Variants in TMEM132D observed in about 807,000 individuals in gnomAD.
TMEM132D encodes transmembrane protein 132D, also known as mature OL transmembrane protein.
TMEM132D carries 21 observed loss-of-function variants against 62.3 expected under a neutral mutation model. The observed-to-expected ratio is 0.34, with a 90% CI of 0.24 to 0.49. The LOEUF (loss-of-function observed/expected upper bound fraction) is 0.49. Ranked by LOEUF, TMEM132D falls within the 20% of genes least tolerant of loss-of-function variation. The pLI, the probability that TMEM132D is intolerant of heterozygous loss-of-function variation, is 0.99. For missense variants in TMEM132D, 1,346 were observed against 1,402.8 expected (o/e 0.96, Z 0.65); for synonymous variants, 621 against 575.6 (o/e 1.08, Z -1.13).
At chr12:129,688,029 T>G (rs2137214312) in intron 2 of TMEM132D, among the ~76,000 whole-genome samples, 1 of 152,268 alleles carries the variant, frequency 6.6e-6, no homozygotes, top group Non-Finnish European at 1.5e-5. Flanking sequence ...TGTGAAGCCA[T>G]AAGCCTTGAC....
In TMEM132D at chr12:129,715,624, A is replaced by G. The variant is rs539215868; in HGVS notation, c.80-14926T>C. Among the ~76,000 whole-genome samples the G allele has an allele frequency of 2.0e-5, 3 of 152,282 alleles. No individual in the cohort carries two copies. The East Asian group carries it at 5.8e-4, about 29-fold the overall frequency. ...GATCAACCTGCACATGTGCAATTCA[A>G]CGTTCCTTTACTCCACGGAAATCTG... On this transcript the variant is annotated intron_variant, in intron 1 of 8. Coordinates refer to ENST00000422113, the MANE Select transcript of TMEM132D (RefSeq NM_133448.3).
chr12:129,431,617 C>T (rs1055179972), intron 3 of TMEM132D, among the ~76,000 whole-genome samples: 3 of 152,162 alleles, frequency 2.0e-5, no homozygotes, highest in African/African-American at 4.8e-5. Context: ...TTACAACAGC[C>T]GCCTGCTCAT....
chr12:129,877,956 C>T (rs1241250204), intron 1 of TMEM132D, among the ~76,000 whole-genome samples: 8 of 152,184 alleles, frequency 5.3e-5, no homozygotes, highest in African/African-American at 1.7e-4. Flanking sequence ...CATCTGCATC[C>T]ACAAGGCGAG....
At chr12:129,107,328 A>T (rs1875533430) in intron 5 of TMEM132D, among the ~76,000 whole-genome samples, 1 of 152,240 alleles carries the variant, frequency 6.6e-6, no homozygotes, top group South Asian at 2.1e-4. Flanking sequence ...TCACGTACAT[A>T]CAAGGTAATT....
chr12:129,462,149 G>A (rs1418747656), intron 3 of TMEM132D, among the ~76,000 whole-genome samples: 2 of 152,142 alleles, frequency 1.3e-5, no homozygotes, highest in Non-Finnish European at 2.9e-5. Context: ...GAGAGAAGGG[G>A]AGAAATAAAC....
chr12:129,691,510 C>T (rs1473916998), intron 2 of TMEM132D, among the ~76,000 whole-genome samples: 1 of 151,924 alleles, frequency 6.6e-6, no homozygotes, highest in Non-Finnish European at 1.5e-5. Context: ...ACTACTGATC[C>T]TATATAAATT....
chr12:129,536,488 A>T (rs920652738), intron 2 of TMEM132D, among the ~76,000 whole-genome samples: 4 of 152,214 alleles, frequency 2.6e-5, no homozygotes, highest in African/African-American at 9.7e-5. Context: ...TTGACCAGAA[A>T]AACAAATTTA....
intron 4 of TMEM132D, among the ~76,000 whole-genome samples, chr12:129,281,621 G>GC (rs140939327): frequency 0.057 from 8,658 of 151,978 alleles, 418 homozygotes; most frequent in Admixed American, 0.15. Context: ...TCTTCCTGAC[G>GC]CCCCCGTAGC....
chr12:129,257,719 T>A (rs1156956475), intron 4 of TMEM132D, among the ~76,000 whole-genome samples: 1 of 152,060 alleles, frequency 6.6e-6, no homozygotes, highest in Non-Finnish European at 1.5e-5. Flanking sequence ...AACACAAGAA[T>A]TTCACTAGGG....
intron 3 of TMEM132D, among the ~76,000 whole-genome samples, chr12:129,462,870 C>G (rs568443982): frequency 6.6e-6 from 1 of 152,148 alleles, no homozygotes. Flanking sequence ...GTCTTCCATA[C>G]GCAGGCCAGT....
chr12:129,502,045 G>A (rs1049364841), intron 3 of TMEM132D, among the ~76,000 whole-genome samples: 7 of 151,676 alleles, frequency 4.6e-5, no homozygotes, highest in African/African-American at 1.7e-4. Context: ...CTGTCGTCCA[G>A]GTGGAGTGCA....
intron 4 of TMEM132D, among the ~76,000 whole-genome samples, chr12:129,258,356 A>ATT (rs1880463989): frequency 6.6e-6 from 1 of 152,170 alleles, no homozygotes; most frequent in Non-Finnish European, 1.5e-5. Flanking sequence ...TGGAGCATCA[A>ATT]GCACACATAT....
chr12:129,156,959 C>T (rs1877265490), intron 5 of TMEM132D, among the ~76,000 whole-genome samples: 1 of 152,024 alleles, frequency 6.6e-6, no homozygotes, highest in Admixed American at 6.5e-5. Flanking sequence ...TAACCCACTC[C>T]TATGATAACG....
At chr12:129,581,576 C>A (rs1005299109) in intron 2 of TMEM132D, among the ~76,000 whole-genome samples, 1 of 152,132 alleles carries the variant, frequency 6.6e-6, no homozygotes, top group African/African-American at 2.4e-5. Flanking sequence ...GAACATGCAG[C>A]CTGATGTTTA....
At chr12:129,261,665 CT>C (rs1168839775) in intron 4 of TMEM132D, among the ~76,000 whole-genome samples, 1 of 152,170 alleles carries the variant, frequency 6.6e-6, no homozygotes, top group Non-Finnish European at 1.5e-5. Flanking sequence ...ATCAGTGTTT[CT>C]TTCCTGTGAG....
Position 129,865,368 on chromosome 12 carries a change from G to A in TMEM132D, c.79+37893C>T, listed in dbSNP as rs376547212. Among the ~76,000 whole-genome samples, 18 of 152,170 alleles carry A rather than the reference G, an allele frequency of 1.2e-4. No individual in the cohort carries two copies. In the South Asian group the frequency reaches 3.1e-3, roughly 26 times the overall value. On this transcript the variant is annotated intron_variant, in intron 1 of 8. Transcript: ENST00000422113. ...AGAAGGGAGAATACCAGGAGAATAT[G>A]AGTAAACACAATCCTACTACTATGG...
chr12:129,762,116 T>G (rs1870399135), intron 1 of TMEM132D, among the ~76,000 whole-genome samples: 1 of 152,192 alleles, frequency 6.6e-6, no homozygotes, highest in African/African-American at 2.4e-5. Context: ...CTTAAGCCCC[T>G]GGATCAATCT....
chr12:129,764,106 C>G (rs1400061600), intron 1 of TMEM132D, among the ~76,000 whole-genome samples: 1 of 152,212 alleles, frequency 6.6e-6, no homozygotes, highest in East Asian at 1.9e-4. Context: ...TTGCTTTTCT[C>G]AAAAGCTTGC....
intron 3 of TMEM132D, among the ~76,000 whole-genome samples, chr12:129,398,512 T>C (rs1281013676): frequency 6.6e-6 from 1 of 152,206 alleles, no homozygotes; most frequent in East Asian, 1.9e-4. Context: ...AGGAAACTTG[T>C]TCATTCTATC....
Sources: allele counts gnomAD v4.1 joint callset (sites outside exome capture counted in the v4.1 genomes callset), GRCh38; gene constraint gnomAD v4.1.1; transcripts MANE v1.5; gene names NCBI Gene and HGNC (gene_info 2026-07-23, HGNC 2026-07-21).